Variants in DMD observed in about 807,000 individuals in gnomAD.
DMD encodes the protein mutant dystrophin.
Under a neutral mutation model 330.1 loss-of-function variants are expected in DMD, and 63 were observed. The observed-to-expected ratio is 0.19, with a 90% CI of 0.16 to 0.24. The LOEUF (loss-of-function observed/expected upper bound fraction) is 0.24, where lower values mean the gene tolerates loss of function less well. DMD is among the 10% of genes least tolerant of loss of function. The pLI is 1.00. For synonymous variants in DMD, 1,223 were observed against 959.8 expected, an observed-to-expected ratio of 1.27 and a Z score of -5.07; for missense variants, 3,344 against 2,684.1, an observed-to-expected ratio of 1.25 and a Z score of -5.43.
At chrX:32,494,546 A>T (rs1236947927) in intron 19 of DMD, among the ~76,000 whole-genome samples, 1 of 111,463 alleles carries the variant, frequency 9.0e-6, no homozygotes, top group Non-Finnish European at 1.9e-5. Context: ...CCATGAAATG[A>T]GGATTAAAAA....
At chrX:32,394,927 A>AAACAAAAAC (rs1557326888) in intron 30 of DMD, among the ~76,000 whole-genome samples, 4 of 90,789 alleles carry the variant, frequency 4.4e-5, no homozygotes, top group East Asian at 7.9e-4. Flanking sequence ...AAAAAAAAAA[A>AAACAAAAAC]AAAAAAGAAA....
In DMD at chrX:31,927,887, A is replaced by G. The variant is rs145498063; in HGVS notation, c.6912+1709T>C. On this transcript the variant is annotated intron_variant, in intron 47 of 78. Coordinates refer to ENST00000357033, the MANE Select transcript of DMD (RefSeq NM_004006.3). ...GATGTTGACTGAGCTCCAGATTCAC[A>G]AAATTTCAATCAATATCCTGGAAGG... Among the ~76,000 whole-genome samples, 1,037 of 112,105 alleles carry G rather than the reference A, an allele frequency of 9.3e-3. 16 individuals carry two copies. Among genetic ancestry groups the G allele is most frequent in the African/African-American group, 0.032 (985 of 30,875 alleles).
chrX:32,513,485 G>A (rs192258100), intron 18 of DMD, among the ~76,000 whole-genome samples: 3 of 111,851 alleles, frequency 2.7e-5, no homozygotes, highest in Non-Finnish European at 5.6e-5. Context: ...AGAGAGAACT[G>A]GACATTTTCA....
chrX:31,703,372 A>G (rs966788654), intron 52 of DMD, among the ~76,000 whole-genome samples: 3 of 112,098 alleles, frequency 2.7e-5, no homozygotes, highest in African/African-American at 6.5e-5. Flanking sequence ...ACATTTGTCT[A>G]AGTATTTCAC....
At chrX:32,368,694 G>A (rs953943998) in intron 34 of DMD, among the ~76,000 whole-genome samples, 1 of 111,172 alleles carries the variant, frequency 9.0e-6, no homozygotes, top group Admixed American at 9.6e-5. Flanking sequence ...TATTTATAGG[G>A]TTGGCGAGAT....
At chrX:33,234,109 G>A (rs756379250) in intron 1 of DMD, among the ~76,000 whole-genome samples, 1 of 111,801 alleles carries the variant, frequency 8.9e-6, no homozygotes, top group Admixed American at 9.5e-5. Context: ...CCGGTCCTCA[G>A]AGTTCCCAGG....
chrX:32,994,763 T>C (rs1274580069), intron 2 of DMD, among the ~76,000 whole-genome samples: 2 of 112,067 alleles, frequency 1.8e-5, no homozygotes, highest in Non-Finnish European at 3.8e-5. Flanking sequence ...TTCTGTAATA[T>C]ATTCATAGAT....
At chrX:31,320,789 C>A (rs1278191323) in intron 62 of DMD, among the ~76,000 whole-genome samples, 4 of 112,065 alleles carry the variant, frequency 3.6e-5, no homozygotes, top group African/African-American at 1.3e-4. Context: ...TATACCATCC[C>A]TAATTTCAAA....
rs1248955780 is a variant in DMD, at chrX:32,858,573, C to A, written c.94-8753G>T. On this transcript the variant is annotated intron_variant, in intron 2 of 78. Coordinates refer to ENST00000357033, the MANE Select transcript of DMD (RefSeq NM_004006.3). ...TCCATCTCTTGACCTTGTGATCCGC[C>A]TCCCTCAGCTTCCCAAAGTACTGGG... Among the ~76,000 whole-genome samples the A allele has an allele frequency of 8.1e-5, 9 of 111,542 alleles. 1 individual carries two copies. The Admixed American group carries it at 8.6e-4, about 11-fold the overall frequency.
At chrX:31,841,790 A>G (rs746738838) in intron 48 of DMD, among the ~76,000 whole-genome samples, 1 of 112,405 alleles carries the variant, frequency 8.9e-6, no homozygotes, top group South Asian at 3.7e-4. Flanking sequence ...CCTATTGCAC[A>G]GAAGAAAAAA....
chrX:32,523,036 A>C (rs146744986), intron 17 of DMD, among the ~76,000 whole-genome samples: 124 of 111,940 alleles, frequency 1.1e-3, no homozygotes, highest in African/African-American at 3.6e-3. Flanking sequence ...TGAAACTCAA[A>C]CGTGCCTCAA....
Position 32,471,620 on chromosome X carries a change from A to T in DMD, c.2949+544T>A, listed in dbSNP as rs181782105. 5.3e-5 allele frequency among the ~76,000 whole-genome samples: 6 copies of T among 112,156 alleles called. No homozygotes were observed. The East Asian group carries it at 1.7e-3, about 32-fold the overall frequency. ...TAACACATATTTTCATAATATTTAC[A>T]TTGTATTAGGCATTATAAGTAATCC... On this transcript the variant is annotated intron_variant, in intron 22 of 78. Coordinates refer to ENST00000357033, the MANE Select transcript of DMD (RefSeq NM_004006.3).
intron 45 of DMD, among the ~76,000 whole-genome samples, chrX:31,951,125 A>ATATATATATATATG (rs1569521172): frequency 9.4e-4 from 74 of 78,502 alleles, no homozygotes; most frequent in Non-Finnish European, 1.1e-3. Flanking sequence ...ATATATACAT[A>ATATATATATATATG]TATATATATA....
intron 2 of DMD, among the ~76,000 whole-genome samples, chrX:33,004,611 T>C (rs1306521340): frequency 9.0e-6 from 1 of 111,700 alleles, no homozygotes; most frequent in African/African-American, 3.2e-5. Flanking sequence ...TTCTGGTTAT[T>C]TTTACTTGTG....
At chrX:32,682,992 T>C (rs1478933636) in intron 9 of DMD, among the ~76,000 whole-genome samples, 3 of 111,617 alleles carry the variant, frequency 2.7e-5, no homozygotes, top group Admixed American at 9.6e-5. Context: ...ACAGTGCACA[T>C]TGGAATGAAA....
rs182010277 is a variant in DMD, at chrX:32,820,255, C to A, written c.357+3040G>T. Among the ~76,000 whole-genome samples the A allele has an allele frequency of 1.0e-3, 112 of 111,193 alleles. 1 individual carries two copies. Among genetic ancestry groups the A allele is most frequent in the African/African-American group, 3.7e-3 (112 of 30,601 alleles). ...GAGATCGAGACCATCCTGGCTAACA[C>A]GGTGAAACCCCATCTCTACTGAACA... On this transcript the variant is annotated intron_variant, in intron 5 of 78. Transcript: ENST00000357033.
At chrX:33,089,646 G>C (rs2095058676) in intron 1 of DMD, among the ~76,000 whole-genome samples, 1 of 111,684 alleles carries the variant, frequency 9.0e-6, no homozygotes, top group Non-Finnish European at 1.9e-5. Context: ...AAAAGTAAAA[G>C]AACCTAAAGT....
At chrX:32,715,178 C>T (rs937644174) in intron 7 of DMD, among the ~76,000 whole-genome samples, 1 of 111,127 alleles carries the variant, frequency 9.0e-6, no homozygotes, top group African/African-American at 3.3e-5. Context: ...ATTACTTGGC[C>T]TTTAAAAAGG....
chrX:32,732,606 T>G (rs779768049), intron 7 of DMD, among the ~76,000 whole-genome samples: 2 of 111,134 alleles, frequency 1.8e-5, no homozygotes, highest in Non-Finnish European at 3.8e-5. Context: ...GGGGCCAATA[T>G]TCAACATTCT....
Sources: gnomAD v4.1 joint callset for allele counts (sites outside exome capture counted in the v4.1 genomes callset) on GRCh38, gnomAD v4.1.1 for gene constraint, MANE v1.5 for transcripts, NCBI Gene and HGNC (gene_info 2026-07-23, HGNC 2026-07-21) for gene names.